The following CNIH3 variants were observed in gnomAD, a reference collection of about 807,000 sequenced individuals.
CNIH3 encodes cornichon family AMPA receptor auxiliary protein 3, also known as protein cornichon homolog 3.
A neutral mutation model predicts 24.1 loss-of-function variants in CNIH3; 14 were observed. The observed-to-expected ratio is 0.58, with a 90% CI of 0.38 to 0.91. The LOEUF is 0.91. Ranked by LOEUF, CNIH3 falls within the 40% of genes least tolerant of loss-of-function variation. CNIH3 has a pLI of 0.00. For synonymous variants in CNIH3, 68 were observed against 73.8 expected, an observed-to-expected ratio of 0.92 and a Z score of 0.40; for missense variants, 178 against 196.8, an observed-to-expected ratio of 0.90 and a Z score of 0.57.
chr1:224,489,737 T>C (rs1420848895), intron 1 of CNIH3, among the ~76,000 whole-genome samples: 1 of 152,208 alleles, frequency 6.6e-6, no homozygotes, highest in Non-Finnish European at 1.5e-5. Context: ...ACTGGGCAGC[T>C]TGTAAACAAC....
At chr1:224,574,822 A>T in intron 4 of CNIH3, 3 of 938,424 alleles carry the variant, frequency 3.2e-6, no homozygotes, top group South Asian at 2.6e-5. Context: ...GAGCCAGGTA[A>T]TGGTAATGTG....
intron 1 of CNIH3, among the ~76,000 whole-genome samples, chr1:224,500,742 G>A (rs1572368045): frequency 6.6e-6 from 1 of 152,072 alleles, no homozygotes; most frequent in African/African-American, 2.4e-5. Flanking sequence ...GAGTAGACTT[G>A]TTTCTGACGT....
chr1:224,667,583 G>A (rs920666743), intron 1 of CNIH3, among the ~76,000 whole-genome samples: 1 of 152,168 alleles, frequency 6.6e-6, no homozygotes, highest in Non-Finnish European at 1.5e-5. Flanking sequence ...CTCATCTCTG[G>A]AGAGGTGCAA....
chr1:224,637,979 G>A (rs1684176572), intron 1 of CNIH3, among the ~76,000 whole-genome samples: 1 of 152,242 alleles, frequency 6.6e-6, no homozygotes, highest in Admixed American at 6.5e-5. Flanking sequence ...AATAAGAAAA[G>A]TAAAATGAAG....
chr1:224,576,333 T>C (rs1464784573), intron 4 of CNIH3, among the ~76,000 whole-genome samples: 1 of 152,228 alleles, frequency 6.6e-6, no homozygotes, highest in East Asian at 1.9e-4. Context: ...TATATGTACA[T>C]AGTTTAAAGA....
chr1:224,471,806 G>T (rs970347230), intron 1 of CNIH3, among the ~76,000 whole-genome samples: 4 of 151,884 alleles, frequency 2.6e-5, no homozygotes, highest in Admixed American at 2.6e-4. Flanking sequence ...TGGCCAGGCT[G>T]GTCTTGAACT....
intron 3 of CNIH3, among the ~76,000 whole-genome samples, chr1:224,561,945 G>A (rs533697617): frequency 6.6e-6 from 1 of 152,266 alleles, no homozygotes; most frequent in African/African-American, 2.4e-5. Flanking sequence ...GGACTTTCTC[G>A]AAGAAGAGTG....
intron 5 of CNIH3, 35 bp from the exon 6 acceptor site, chr1:224,739,294 T>TC (rs765916139): frequency 1.4e-6 from 2 of 1,414,788 alleles, no homozygotes; most frequent in Non-Finnish European, 1.9e-6. Context: ...CACCTTCCTC[T>TC]CTTTTTTTTT....
At chr1:224,461,603 G>C (rs148297703) in intron 1 of CNIH3, among the ~76,000 whole-genome samples, 1 of 152,238 alleles carries the variant, frequency 6.6e-6, no homozygotes, top group Non-Finnish European at 1.5e-5. Context: ...GATTTCTTCA[G>C]TTACCATAGT....
At position 224,449,216 on chromosome 1, in the gene CNIH3, G is replaced by A. The variant is rs1186843032; in HGVS notation, n.203+14354G>A. On this transcript the variant is annotated intron_variant and non_coding_transcript_variant, in intron 1 of 5. Transcript: ENST00000471578. Reference sequence around the variant, plus strand: ...CTTGACCTTGTGATCCGCCTGCCTCGGCCTCCCAAAGTGCTGGGATTACAG... The same window carrying A: ...CTTGACCTTGTGATCCGCCTGCCTCAGCCTCCCAAAGTGCTGGGATTACAG... Among the ~76,000 whole-genome samples, 7 of 151,750 alleles carry A rather than the reference G, an allele frequency of 4.6e-5. No individual in the cohort carries two copies. In the East Asian group the frequency reaches 1.2e-3, roughly 25 times the overall value.
intron 3 of CNIH3, among the ~76,000 whole-genome samples, chr1:224,601,546 A>G (rs1397176526): frequency 6.6e-6 from 1 of 152,106 alleles, no homozygotes; most frequent in African/African-American, 2.4e-5. Flanking sequence ...TTTTAGAGAG[A>G]CAGTGTGACA....
chr1:224,692,429 T>G (rs1686975586), intron 3 of CNIH3, among the ~76,000 whole-genome samples: 1 of 152,190 alleles, frequency 6.6e-6, no homozygotes. Flanking sequence ...CCTACAGGGC[T>G]CTGGAGGGAA....
At chr1:224,576,112 A>T (rs1644218685) in intron 4 of CNIH3, among the ~76,000 whole-genome samples, 1 of 152,170 alleles carries the variant, frequency 6.6e-6, no homozygotes, top group Non-Finnish European at 1.5e-5. Context: ...ATGTACTGAG[A>T]ACTGCTTAGG....
intron 1 of CNIH3, among the ~76,000 whole-genome samples, chr1:224,639,095 A>G (rs763224579): frequency 1.8e-4 from 28 of 152,220 alleles, no homozygotes; most frequent in Non-Finnish European, 2.9e-5. Flanking sequence ...TCTTTCCCCA[A>G]TAGGAAGGTA....
chr1:224,463,783 T>A (rs1329394740), intron 1 of CNIH3, among the ~76,000 whole-genome samples: 1 of 114,386 alleles, frequency 8.7e-6, no homozygotes, highest in Non-Finnish European at 1.8e-5. Flanking sequence ...ATTTTTTTTT[T>A]TTTTTTTTTT....
intron 3 of CNIH3, among the ~76,000 whole-genome samples, chr1:224,694,749 A>G (rs1687085548): frequency 6.6e-6 from 1 of 152,252 alleles, no homozygotes; most frequent in Non-Finnish European, 1.5e-5. Flanking sequence ...CTACTTAGCC[A>G]TGAAATGGAA....
At chr1:224,442,448 T>C (rs1674961046) in intron 1 of CNIH3, among the ~76,000 whole-genome samples, 1 of 152,254 alleles carries the variant, frequency 6.6e-6, no homozygotes, top group Non-Finnish European at 1.5e-5. Flanking sequence ...TGACAAATAC[T>C]GTGGCATAGA....
intron 2 of CNIH3, among the ~76,000 whole-genome samples, chr1:224,528,987 A>G (rs1469674712): frequency 6.6e-6 from 1 of 152,198 alleles, no homozygotes; most frequent in Non-Finnish European, 1.5e-5. Context: ...TGGTAGGCAG[A>G]CTGCTGGCAT....
intron 1 of CNIH3, among the ~76,000 whole-genome samples, chr1:224,659,568 C>T (rs1395232652): frequency 6.6e-6 from 1 of 152,044 alleles, no homozygotes; most frequent in Non-Finnish European, 1.5e-5. Flanking sequence ...AAGAGTGTGT[C>T]CAGGGTCATG....
Sources: gnomAD v4.1 joint callset for allele counts (sites outside exome capture counted in the v4.1 genomes callset) on GRCh38, gnomAD v4.1.1 for gene constraint, MANE v1.5 for transcripts, NCBI Gene and HGNC (gene_info 2026-07-23, HGNC 2026-07-21) for gene names.